Variants in RHOQ observed in about 807,000 individuals in gnomAD.
RHOQ encodes the protein ras homolog family member Q, also known as rho-related GTP-binding protein RhoQ.
A neutral mutation model predicts 25.8 loss-of-function variants in RHOQ; 7 were observed. The observed-to-expected ratio is 0.27, with a 90% CI of 0.15 to 0.51. The LOEUF (loss-of-function observed/expected upper bound fraction) is 0.51, where lower values mean the gene tolerates loss of function less well. Among genes scored for constraint, RHOQ ranks in the 20% least tolerant of loss-of-function variants. RHOQ has a pLI of 0.97. For synonymous variants in RHOQ, 97 were observed against 98.6 expected (o/e 0.98, Z 0.10); for missense variants, 165 against 260.6 (o/e 0.63, Z 2.53).
In RHOQ at chr2:46,576,349, T is replaced by C; in HGVS notation, c.366+98T>C. The C allele has an allele frequency of 9.0e-7, 1 of 1,112,030 alleles. No individual in the cohort carries two copies. The highest frequency in any genetic ancestry group is 1.3e-6 in the Non-Finnish European group (1 of 770,288). The allele number at this position is 1,112,030 out of a possible 1,614,324, so 68.9% of individuals were successfully genotyped here. ...CAGTCCCAAAGCTGAGCAAATGATG[T>C]AAGTGTTTAATCTCAGCTGCAAGTT... On this transcript the variant is annotated intron_variant, in intron 3 of 4. Coordinates refer to ENST00000238738, the MANE Select transcript of RHOQ (RefSeq NM_012249.4). This position sits in a 1 kb window ranked among gnomAD's most constrained non-coding sequence, Gnocchi z 5.1.
chr2:46,543,644 C>T, intron 1 of RHOQ, 110 bp from the exon 2 acceptor site: 6 of 915,318 alleles, frequency 6.6e-6, no homozygotes, highest in Non-Finnish European at 1.0e-5. Context: ...GGGGAGCGCC[C>T]CCACGCCTCT....
At chr2:46,567,482 C>T (rs1668770911) in intron 2 of RHOQ, among the ~76,000 whole-genome samples, 1 of 151,830 alleles carries the variant, frequency 6.6e-6, no homozygotes, top group Non-Finnish European at 1.5e-5. Context: ...CAGCCTCAAT[C>T]TCCCAGGCTC....
intron 2 of RHOQ, among the ~76,000 whole-genome samples, chr2:46,564,093 T>C (rs1166541581): frequency 6.6e-6 from 1 of 151,940 alleles, no homozygotes; most frequent in African/African-American, 2.4e-5. Context: ...TTGCTTGAGC[T>C]CAGGAGTTCA....
In RHOQ at chr2:46,558,684, A is replaced by G. The variant is rs183494523; in HGVS notation, c.201+14872A>G. Among the ~76,000 whole-genome samples the G allele has an allele frequency of 5.9e-5, 9 of 152,136 alleles. No homozygotes were observed. In the East Asian group the frequency reaches 1.7e-3, roughly 29 times the overall value. On this transcript the variant is annotated intron_variant, in intron 2 of 4. Transcript: ENST00000238738. Reference sequence around the variant, plus strand: ...TTCCAGTTCTAACAAATTTTCCTGGATTATTTCTTTGGTTTATTTAGTTTC... The same window carrying G: ...TTCCAGTTCTAACAAATTTTCCTGGGTTATTTCTTTGGTTTATTTAGTTTC...
intron 2 of RHOQ, among the ~76,000 whole-genome samples, chr2:46,572,110 T>G (rs970846367): frequency 5.0e-4 from 64 of 127,268 alleles, no homozygotes; most frequent in Non-Finnish European, 8.2e-4. Context: ...AGTGTGTGTT[T>G]TTTTTTTTTT....
At chr2:46,562,029 G>A (rs1668593815) in intron 2 of RHOQ, among the ~76,000 whole-genome samples, 1 of 152,246 alleles carries the variant, frequency 6.6e-6, no homozygotes, top group African/African-American at 2.4e-5. Context: ...AGACTCACAC[G>A]ATTTGATTTT....
intron 2 of RHOQ, among the ~76,000 whole-genome samples, chr2:46,547,519 C>G (rs1668109698): frequency 6.6e-6 from 1 of 152,244 alleles, no homozygotes; most frequent in African/African-American, 2.4e-5. Flanking sequence ...CCAGCACACT[C>G]AGAGCACCAC....
intron 2 of RHOQ, among the ~76,000 whole-genome samples, chr2:46,559,286 G>T (rs993437685): frequency 1.2e-4 from 18 of 152,168 alleles, no homozygotes; most frequent in African/African-American, 4.3e-4. Flanking sequence ...ATGAGCCACT[G>T]TACCTGTCTA....
At chr2:46,546,893 G>A (rs114283798) in intron 2 of RHOQ, among the ~76,000 whole-genome samples, 1 of 152,216 alleles carries the variant, frequency 6.6e-6, no homozygotes, top group African/African-American at 2.4e-5. Flanking sequence ...CCAGATCCTA[G>A]AACCTTTTCA....
chr2:46,546,493 T>TACAC (rs1668064798), intron 2 of RHOQ, among the ~76,000 whole-genome samples: 2 of 23,462 alleles, frequency 8.5e-5, no homozygotes, highest in African/African-American at 3.7e-4. Flanking sequence ...TATATATATA[T>TACAC]ATATATATAT....
chr2:46,552,289 G>A lies in RHOQ; in HGVS notation c.201+8477G>A, dbSNP rs1335900707. Among the ~76,000 whole-genome samples the A allele has an allele frequency of 6.6e-6, 1 of 152,208 alleles. No individual in the cohort carries two copies. The highest frequency in any genetic ancestry group is 1.5e-5 in the Non-Finnish European group (1 of 68,040). On this transcript the variant is annotated intron_variant, in intron 2 of 4. Coordinates refer to ENST00000238738, the MANE Select transcript of RHOQ (RefSeq NM_012249.4). This position sits in a 1 kb window ranked among gnomAD's most constrained non-coding sequence, Gnocchi z 5.0. ...AAAGGAGCAGGCCCGAGGTGGCGCTGATGGCCCCATTGCTCAAGTACGTGT... is the reference window on the plus strand; with the variant it reads ...AAAGGAGCAGGCCCGAGGTGGCGCTAATGGCCCCATTGCTCAAGTACGTGT...
chr2:46,549,241 G>C (rs1668165306), intron 2 of RHOQ, among the ~76,000 whole-genome samples: 1 of 152,174 alleles, frequency 6.6e-6, no homozygotes, highest in South Asian at 2.1e-4. Context: ...CTGAGGGGCC[G>C]GGGGAGTGAC....
Position 46,581,285 on chromosome 2 carries a change from T to C in RHOQ, c.*202T>C. 1 of 980,568 alleles carries C rather than the reference T, an allele frequency of 1.0e-6. No individual in the cohort carries two copies. Among genetic ancestry groups the C allele is most frequent in the Admixed American group, 3.0e-5 (1 of 33,374 alleles). The allele number at this position is 980,568 out of a possible 1,614,324, so 60.7% of individuals were successfully genotyped here. On this transcript the variant is annotated 3_prime_UTR_variant, in exon 5 of 5. Transcript: ENST00000238738. ...CAGTAAGCAGCATCTGAAGCCACAA[T>C]CTATTATAAATACTTTATTTCAACT...
rs578092491 is a variant in RHOQ at position 46,556,624 on chromosome 2, T to C, written c.201+12812T>C. Reference sequence around the variant, plus strand: ...ATTTATCAAACATATAAATATCCATTAAACATAAGAGTGAGGTGAGGAACA... The same window carrying C: ...ATTTATCAAACATATAAATATCCATCAAACATAAGAGTGAGGTGAGGAACA... On this transcript the variant is annotated intron_variant, in intron 2 of 4. Transcript: ENST00000238738. The surrounding 1 kb of genome is among the most constrained non-coding windows in gnomAD (Gnocchi z 4.9). 3.3e-5 allele frequency among the ~76,000 whole-genome samples: 5 copies of C among 152,218 alleles called. No homozygotes were observed. The South Asian group carries it at 1.0e-3, about 32-fold the overall frequency.
At chr2:46,574,726 G>GT (rs1198083938) in intron 2 of RHOQ, among the ~76,000 whole-genome samples, 2 of 152,130 alleles carry the variant, frequency 1.3e-5, no homozygotes, top group Admixed American at 6.5e-5. Context: ...AAACAAAAGG[G>GT]TTACCCACCA....
chr2:46,575,572 T>A (rs1165188256), intron 2 of RHOQ, among the ~76,000 whole-genome samples: 4 of 152,198 alleles, frequency 2.6e-5, no homozygotes, highest in African/African-American at 9.6e-5. Flanking sequence ...ACTTACTGGC[T>A]ACACATCCTT....
Position 46,580,925 on chromosome 2 carries a change from C to T in RHOQ, c.463-3C>T. The stretch of plus-strand genomic sequence containing the variant: ...TATTTGTGATTTTTTTTCTCCCTCC[C>T]AGATAGGAGCATGCTGCTATGTGGA... On this transcript the variant is annotated splice_polypyrimidine_tract_variant and splice_region_variant and intron_variant, in intron 4 of 4. Coordinates refer to ENST00000238738, the MANE Select transcript of RHOQ (RefSeq NM_012249.4). 1 of 1,483,962 alleles carries T rather than the reference C, an allele frequency of 6.7e-7. No homozygotes were observed. The highest frequency in any genetic ancestry group is 8.9e-7 in the Non-Finnish European group (1 of 1,118,512). 91.9% of individuals were successfully genotyped at this position (1,483,962 alleles called of 1,614,324 possible).
At chr2:46,546,478 A>ATCCG (rs1402652501) in intron 2 of RHOQ, among the ~76,000 whole-genome samples, 2 of 11,440 alleles carry the variant, frequency 1.7e-4, no homozygotes, top group Non-Finnish European at 3.1e-4. Context: ...ATATATGTGT[A>ATCCG]TATATATATA....
intron 2 of RHOQ, among the ~76,000 whole-genome samples, chr2:46,553,451 C>G (rs1413246745): frequency 1.3e-5 from 2 of 152,140 alleles, no homozygotes. Flanking sequence ...GGTATCCATC[C>G]CCTCAAGCAG....
Sources: gnomAD v4.1 joint callset for allele counts (sites outside exome capture counted in the v4.1 genomes callset) on GRCh38, gnomAD v4.1.1 for gene constraint, Gnocchi (gnomAD v3.1) non-coding constraint, MANE v1.5 for transcripts, NCBI Gene and HGNC (gene_info 2026-07-23, HGNC 2026-07-21) for gene names.